The following REPS2 variants were observed in gnomAD, a reference collection of about 807,000 sequenced individuals.
REPS2 encodes RALBP1 associated Eps domain containing 2.
In REPS2, 23 loss-of-function variants were observed where a neutral mutation model predicts 53.6. The observed-to-expected ratio is 0.43, with a 90% CI of 0.31 to 0.61. REPS2 has a LOEUF of 0.61. REPS2 is among the 20% of genes least tolerant of loss of function. The probability of loss-of-function intolerance (pLI) is 0.11; values close to 1 mark genes in which losing one functional copy is unlikely to be tolerated. For synonymous variants in REPS2, 238 were observed against 218.6 expected (o/e 1.09, Z -0.78); for missense variants, 446 against 534.9 (o/e 0.83, Z 1.64).
intron 13 of REPS2, among the ~76,000 whole-genome samples, chrX:17,082,844 G>A (rs750747504): frequency 8.9e-6 from 1 of 111,966 alleles, no homozygotes; most frequent in African/African-American, 3.2e-5. Flanking sequence ...ACTTTCTGTT[G>A]AATGCCTATT....
Position 16,965,116 on chromosome X carries a change from G to A in REPS2, c.273+17982G>A, listed in dbSNP as rs765653910. Among the ~76,000 whole-genome samples, 70 of 86,301 alleles carry A rather than the reference G, an allele frequency of 8.1e-4. 2 individuals are homozygous for A. In the South Asian group the frequency reaches 0.034, roughly 42 times the overall value. The allele number at this position is 86,301 out of a possible 115,157, so 74.9% of individuals were successfully genotyped here. Reference sequence around the variant, plus strand: ...TGACCCCCCCACCTCCCTCCCGGACGGGGCGGCTGGCCGGGTGGGGGGCTG... The same window carrying A: ...TGACCCCCCCACCTCCCTCCCGGACAGGGCGGCTGGCCGGGTGGGGGGCTG... On this transcript the variant is annotated intron_variant, in intron 1 of 17. Transcript: ENST00000357277.
chrX:17,126,372 G>A (rs989118687), intron 14 of REPS2, among the ~76,000 whole-genome samples: 9 of 112,118 alleles, frequency 8.0e-5, no homozygotes, highest in South Asian at 3.7e-4. Context: ...GGAATATGGC[G>A]TTTGGCATTA....
chrX:17,001,185 T>C (rs1474521376), intron 1 of REPS2, among the ~76,000 whole-genome samples: 2 of 112,572 alleles, frequency 1.8e-5, no homozygotes, highest in Non-Finnish European at 3.7e-5. Context: ...AAATTAGTAT[T>C]TAACTGATTT....
chrX:16,964,783 G>T (rs2060716423), intron 1 of REPS2, among the ~76,000 whole-genome samples: 1 of 84,541 alleles, frequency 1.2e-5, no homozygotes, highest in Non-Finnish European at 2.4e-5. Flanking sequence ...GGCCGGGCGG[G>T]GGGCTGACCC....
At chrX:17,085,082 T>G (rs773302263) in intron 13 of REPS2, among the ~76,000 whole-genome samples, 60 of 112,328 alleles carry the variant, frequency 5.3e-4, no homozygotes, top group African/African-American at 1.7e-3. Context: ...CAAATTCATT[T>G]TTCTGCATGT....
At chrX:16,951,546 CACACACACACACA>C (rs1214502760) in intron 1 of REPS2, among the ~76,000 whole-genome samples, 18 of 36,202 alleles carry the variant, frequency 5.0e-4, no homozygotes, top group East Asian at 2.8e-3. Flanking sequence ...CACACACACA[CACACACACACACA>C]CCCCCGCTAC....
the REPS2 span, among the ~76,000 whole-genome samples, chrX:17,183,467 C>G: frequency 3.6e-5 from 4 of 112,196 alleles, no homozygotes; most frequent in African/African-American, 1.3e-4. Flanking sequence ...TACCAGTGAC[C>G]TAAAGTTTAT....
At chrX:16,965,093 A>ACC (rs1180742964) in intron 1 of REPS2, among the ~76,000 whole-genome samples, 1 of 55,683 alleles carries the variant, frequency 1.8e-5, no homozygotes, top group Non-Finnish European at 3.4e-5. Context: ...CGGGGGGCTG[A>ACC]CCCCCCCACC....
the REPS2 span, among the ~76,000 whole-genome samples, chrX:17,165,010 G>A: frequency 8.2e-5 from 9 of 109,283 alleles, no homozygotes; most frequent in Admixed American, 3.0e-4. Context: ...ATTTCTAACC[G>A]TCTTCATTTT....
At chrX:17,141,620 A>G (rs1406202950) in intron 17 of REPS2, among the ~76,000 whole-genome samples, 1 of 112,080 alleles carries the variant, frequency 8.9e-6, no homozygotes, top group Non-Finnish European at 1.9e-5. Context: ...GGTTGTAGCA[A>G]TCTGTACTCC....
chrX:16,997,949 GGGA>G (rs2061252124), intron 1 of REPS2, among the ~76,000 whole-genome samples: 1 of 111,575 alleles, frequency 9.0e-6, no homozygotes, highest in African/African-American at 3.3e-5. Context: ...AGGCCAAGGT[GGGA>G]GGATAGTAAT....
intron 13 of REPS2, among the ~76,000 whole-genome samples, chrX:17,086,760 A>G (rs954914413): frequency 8.9e-6 from 1 of 112,923 alleles, no homozygotes; most frequent in Non-Finnish European, 1.9e-5. Context: ...GAAGGAGATC[A>G]TAAAACATAA....
intron 13 of REPS2, among the ~76,000 whole-genome samples, chrX:17,090,168 T>C (rs2062595650): frequency 8.9e-6 from 1 of 112,425 alleles, no homozygotes; most frequent in African/African-American, 3.2e-5. Context: ...TAGTTATTCC[T>C]GTATTTTATT....
At position 17,012,239 on chromosome X, in the gene REPS2, C is replaced by T. The variant is rs181645284; in HGVS notation, c.397+5895C>T. Among the ~76,000 whole-genome samples, 17 of 108,543 alleles carry T rather than the reference C, an allele frequency of 1.6e-4. No homozygotes were observed. The East Asian group carries it at 4.1e-3, about 26-fold the overall frequency. The allele number at this position is 108,543 out of a possible 115,157, so 94.3% of individuals were successfully genotyped here. Reference sequence around the variant, plus strand: ...CTAAAATAGAAAAAAATTAGCTGGGCGTGGTGACACACACCTGTAGTCCCA... The same window carrying T: ...CTAAAATAGAAAAAAATTAGCTGGGTGTGGTGACACACACCTGTAGTCCCA... On this transcript the variant is annotated intron_variant, in intron 2 of 17. Coordinates refer to ENST00000357277, the MANE Select transcript of REPS2 (RefSeq NM_004726.3).
In REPS2 at chrX:16,992,648, C is replaced by T. The variant is rs111919784; in HGVS notation, c.274-13573C>T. On this transcript the variant is annotated intron_variant, in intron 1 of 17. Coordinates refer to ENST00000357277, the MANE Select transcript of REPS2 (RefSeq NM_004726.3). ...GTGAATGGTAGATGCAAGGACTGGG[C>T]GGTTTCCATGGAGACTTCTTGCAGG... 5.5e-3 allele frequency among the ~76,000 whole-genome samples: 611 copies of T among 111,876 alleles called. 5 individuals carry two copies. Among genetic ancestry groups the T allele is most frequent in the African/African-American group, 0.019 (583 of 30,790 alleles).
chrX:17,061,234 A>C (rs993183488), intron 8 of REPS2, among the ~76,000 whole-genome samples: 4 of 112,117 alleles, frequency 3.6e-5, no homozygotes, highest in African/African-American at 9.7e-5. Flanking sequence ...GTACTTCCTT[A>C]CTTACTTACT....
At chrX:17,026,474 A>G (rs1054802400) in intron 4 of REPS2, among the ~76,000 whole-genome samples, 2 of 67,077 alleles carry the variant, frequency 3.0e-5, no homozygotes, top group Non-Finnish European at 5.9e-5. Flanking sequence ...TTTTTTTCCT[A>G]TTTCTAATCT....
chrX:17,121,681 A>G (rs747837624), intron 14 of REPS2, among the ~76,000 whole-genome samples: 31 of 112,225 alleles, frequency 2.8e-4, no homozygotes, highest in Admixed American at 1.6e-3. Flanking sequence ...CACTTTAAGG[A>G]CATTACAGGA....
chrX:16,948,235 A>G (rs1476529026), intron 1 of REPS2, among the ~76,000 whole-genome samples: 1 of 112,501 alleles, frequency 8.9e-6, no homozygotes, highest in Non-Finnish European at 1.9e-5. Flanking sequence ...TGCGTTTTAT[A>G]CTGCTGGAGT....
Sources: gnomAD v4.1 joint callset for allele counts (sites outside exome capture counted in the v4.1 genomes callset) on GRCh38, gnomAD v4.1.1 for gene constraint, MANE v1.5 for transcripts, NCBI Gene and HGNC (gene_info 2026-07-23, HGNC 2026-07-21) for gene names.